LARS2: variants seen among roughly 807,000 people sequenced by gnomAD.
LARS2 encodes leucyl-tRNA synthetase 2, mitochondrial.
A neutral mutation model predicts 116.6 loss-of-function variants in LARS2; 81 were observed. That is an observed-to-expected ratio of 0.69 (90% CI 0.58 to 0.84). The LOEUF (loss-of-function observed/expected upper bound fraction) is 0.84, where lower values mean the gene tolerates loss of function less well. Ranked by LOEUF, LARS2 falls within the 40% of genes least tolerant of loss-of-function variation. The pLI, the probability that LARS2 is intolerant of heterozygous loss-of-function variation, is 0.00. For missense variants in LARS2, 968 were observed against 1,114.5 expected (o/e 0.87, Z 1.87); for synonymous variants, 396 against 407.2 (o/e 0.97, Z 0.33).
intron 10 of LARS2, among the ~76,000 whole-genome samples, chr3:45,482,723 A>G (rs1190100723): frequency 1.3e-5 from 2 of 152,212 alleles, no homozygotes; most frequent in African/African-American, 4.8e-5. Flanking sequence ...TTATTTAGGT[A>G]TATGTTTCTT....
chr3:45,453,123 G>A (rs562984072), intron 7 of LARS2, among the ~76,000 whole-genome samples: 27 of 151,764 alleles, frequency 1.8e-4, no homozygotes, highest in African/African-American at 6.3e-4. Flanking sequence ...TTATTTTATT[G>A]GCCTTTTTCT....
intron 10 of LARS2, among the ~76,000 whole-genome samples, chr3:45,481,779 C>G (rs1259448770): frequency 6.6e-6 from 1 of 152,094 alleles, no homozygotes; most frequent in Non-Finnish European, 1.5e-5. Flanking sequence ...ACGTAATCTA[C>G]TAAGTTGTTC....
Position 45,496,361 on chromosome 3 carries a change from A to G in LARS2, c.1610A>G (p.His537Arg), listed in dbSNP as rs377742128. Reference sequence around the variant, plus strand: ...TACTACTTCAGATACACTGACCCTCATAATCCACACAGGTAAAACGTCCCT... The same window carrying G: ...TACTACTTCAGATACACTGACCCTCGTAATCCACACAGGTAAAACGTCCCT... ...AWYYFRYTDPHNPHSPFNTAV... is the reference protein window; with the variant it reads ...AWYYFRYTDPRNPHSPFNTAV... Residue 537 changes from histidine to arginine, a missense_variant, in exon 14 of 22, where the codon CAT becomes CGT. Physicochemically the swap from His to Arg is conservative, Grantham distance 29. Coordinates refer to ENST00000645846, the MANE Select transcript of LARS2 (RefSeq NM_015340.4). The G allele has an allele frequency of 6.2e-6, 10 of 1,613,096 alleles. No homozygotes were observed. The highest frequency in any genetic ancestry group is 8.5e-6 in the Non-Finnish European group (10 of 1,179,074).
At chr3:45,411,985 C>T (rs1173920672) in intron 4 of LARS2, among the ~76,000 whole-genome samples, 1 of 152,156 alleles carries the variant, frequency 6.6e-6, no homozygotes, top group Non-Finnish European at 1.5e-5. Flanking sequence ...ATATTGGCCT[C>T]CAGCTCCATC....
At chr3:45,467,812 T>C (rs892505791) in intron 8 of LARS2, among the ~76,000 whole-genome samples, 4 of 152,192 alleles carry the variant, frequency 2.6e-5, no homozygotes, top group Admixed American at 2.0e-4. Context: ...AGATTATTGC[T>C]GGGCAAGGTG....
chr3:45,420,815 C>G (rs552986708), intron 6 of LARS2, among the ~76,000 whole-genome samples: 24 of 152,202 alleles, frequency 1.6e-4, no homozygotes, highest in Admixed American at 7.9e-4. Context: ...TAGCCTAGTC[C>G]TGCACAGGAA....
intron 8 of LARS2, among the ~76,000 whole-genome samples, chr3:45,460,374 T>G (rs896134177): frequency 1.3e-5 from 2 of 152,230 alleles, no homozygotes; most frequent in African/African-American, 4.8e-5. Flanking sequence ...GGAAGGATGC[T>G]TGGTTACCTC....
chr3:45,431,185 A>G (rs1312948796), intron 6 of LARS2, among the ~76,000 whole-genome samples: 3 of 152,214 alleles, frequency 2.0e-5, no homozygotes, highest in Non-Finnish European at 2.9e-5. Context: ...CAAGAACCCA[A>G]TCAGCCAGCC....
intron 12 of LARS2, 92 bp downstream of exon 12, chr3:45,488,904 C>T: frequency 1.2e-6 from 1 of 821,030 alleles, no homozygotes; most frequent in Admixed American, 1.7e-5. Flanking sequence ...CCTGTTCCTT[C>T]ACTCGTCCCC....
Position 45,455,063 on chromosome 3 carries a change from T to C in LARS2, c.607-3680T>C, listed in dbSNP as rs1159112159. Among the ~76,000 whole-genome samples the C allele has an allele frequency of 2.0e-5, 3 of 152,108 alleles. No homozygotes were observed. In the East Asian group the frequency reaches 5.8e-4, roughly 29 times the overall value. The stretch of plus-strand genomic sequence containing the variant: ...GCATCTTTTGAGACACTATTTCTTT[T>C]GGTGTTTTCCCCCTTCCCCCCAAGT... On this transcript the variant is annotated intron_variant, in intron 7 of 21. Coordinates refer to ENST00000645846, the MANE Select transcript of LARS2 (RefSeq NM_015340.4).
intron 4 of LARS2, among the ~76,000 whole-genome samples, chr3:45,416,887 A>G (rs1559461810): frequency 6.6e-6 from 1 of 152,010 alleles, no homozygotes. Context: ...ATCCTGGCTG[A>G]CATGGTGAAA....
chr3:45,449,236 C>CA (rs1303405604), intron 7 of LARS2, among the ~76,000 whole-genome samples: 1 of 148,386 alleles, frequency 6.7e-6, no homozygotes, highest in Non-Finnish European at 1.5e-5. Flanking sequence ...GATCTCAGCT[C>CA]ACTGCAACCT....
chr3:45,488,260 C>T (rs111726340), intron 11 of LARS2, among the ~76,000 whole-genome samples: 5,419 of 152,184 alleles, frequency 0.036, 100 homozygotes, highest in Middle Eastern at 0.065. Flanking sequence ...TGGCGAAACC[C>T]CTTTTCTACT....
chr3:45,413,599 G>T (rs860530), intron 4 of LARS2, among the ~76,000 whole-genome samples: 151,492 of 152,390 alleles, frequency 0.99, 75,305 homozygotes, highest in Middle Eastern at 1. Flanking sequence ...AACAAGCCTT[G>T]GTTAGCATTT....
intron 4 of LARS2, among the ~76,000 whole-genome samples, chr3:45,411,919 A>T (rs1407321210): frequency 6.6e-6 from 1 of 151,936 alleles, no homozygotes; most frequent in Admixed American, 6.6e-5. Flanking sequence ...TTTAGCTCCC[A>T]CTTATAAGTG....
chr3:45,457,961 C>G (rs988957852), intron 7 of LARS2, among the ~76,000 whole-genome samples: 12 of 152,076 alleles, frequency 7.9e-5, no homozygotes, highest in African/African-American at 2.7e-4. Flanking sequence ...ATTGTGGGGG[C>G]AGGTATTGAT....
intron 10 of LARS2, among the ~76,000 whole-genome samples, chr3:45,485,418 T>A (rs1374216604): frequency 1.3e-5 from 2 of 152,246 alleles, no homozygotes; most frequent in Non-Finnish European, 2.9e-5. Flanking sequence ...GAAAAGACAG[T>A]GAAGGGAATG....
chr3:45,505,538 T>A (rs947174695), intron 15 of LARS2, among the ~76,000 whole-genome samples: 4 of 150,204 alleles, frequency 2.7e-5, no homozygotes, highest in Non-Finnish European at 5.9e-5. Flanking sequence ...AAAAAAAAAA[T>A]TAATGAGCCA....
At chr3:45,498,474 G>GA (rs562383891) in intron 14 of LARS2, among the ~76,000 whole-genome samples, 2 of 151,996 alleles carry the variant, frequency 1.3e-5, no homozygotes, top group Non-Finnish European at 2.9e-5. Context: ...TTTTCACGAA[G>GA]AAAAAAAGTG....
Sources: gnomAD v4.1 joint callset for allele counts (sites outside exome capture counted in the v4.1 genomes callset) on GRCh38, gnomAD v4.1.1 for gene constraint, MANE v1.5 for transcripts, NCBI Gene and HGNC (gene_info 2026-07-23, HGNC 2026-07-21) for gene names.